The following GAN variants were observed in gnomAD, a reference collection of about 807,000 sequenced individuals.
The protein encoded by GAN is gigaxonin, also known as epididymis secretory sperm binding protein.
GAN carries 48 observed loss-of-function variants against 71.3 expected under a neutral mutation model. That is an observed-to-expected ratio of 0.67 (90% CI 0.53 to 0.86). The LOEUF is 0.86. GAN is among the 40% of genes least tolerant of loss of function. The pLI, the probability that GAN is intolerant of heterozygous loss-of-function variation, is 0.00. For missense variants in GAN, 928 were observed against 770.1 expected (o/e 1.21, Z -2.43); for synonymous variants, 386 against 276.8 (o/e 1.39, Z -3.92).
At position 81,354,527 on chromosome 16, in the gene GAN, T is replaced by A. The variant is rs771476213; in HGVS notation, c.405T>A (p.Ile135=). ...GCTGCATTGCTGCTGAGAACTGTAT[T>A]GGTATCCGTGACTTTGCACTACATT... ...LEGCIAAENC[I]GIRDFALHYC... Residue 135 remains isoleucine (I), a synonymous_variant, in exon 3 of 11, where the codon ATT becomes ATA. Transcript: ENST00000648994. The A allele has an allele frequency of 4.3e-6, 7 of 1,613,932 alleles. No individual in the cohort carries two copies. The highest frequency in any genetic ancestry group is 5.9e-6 in the Non-Finnish European group (7 of 1,179,912).
At chr16:81,372,110 C>G (rs2873408) in intron 9 of GAN, 98,540 of 151,968 alleles carry the variant, frequency 0.65, 32,127 homozygotes, top group East Asian at 0.75. Flanking sequence ...ACTTCCCTGT[C>G]TCTGAAGTTC....
chr16:81,348,610 G>C (rs1261378899), intron 1 of GAN, among the ~76,000 whole-genome samples: 4 of 152,214 alleles, frequency 2.6e-5, no homozygotes, highest in Non-Finnish European at 4.4e-5. Flanking sequence ...GTCCAGCCAT[G>C]AGCCTACAGG....
intron 1 of GAN, among the ~76,000 whole-genome samples, chr16:81,321,106 T>C (rs1364952862): frequency 5.9e-5 from 9 of 152,230 alleles, no homozygotes; most frequent in African/African-American, 1.9e-4. Flanking sequence ...TTTAAAGATA[T>C]TTGTTTATTT....
At chr16:81,364,473 C>A (rs1412562553) in intron 7 of GAN, among the ~76,000 whole-genome samples, 1 of 152,088 alleles carries the variant, frequency 6.6e-6, no homozygotes, top group South Asian at 2.1e-4. Flanking sequence ...CACTATGTTG[C>A]CCCGGCTGGT....
At chr16:81,341,883 A>G (rs1909954848) in intron 1 of GAN, among the ~76,000 whole-genome samples, 1 of 152,224 alleles carries the variant, frequency 6.6e-6, no homozygotes, top group Admixed American at 6.5e-5. Flanking sequence ...TGTGTTCAGG[A>G]GACCCATCTC....
intron 9 of GAN, among the ~76,000 whole-genome samples, chr16:81,371,420 G>C (rs572117322): frequency 6.6e-6 from 1 of 152,188 alleles, no homozygotes; most frequent in African/African-American, 2.4e-5. Context: ...TGTTTTTGAA[G>C]CTTTGAATTT....
At position 81,349,298 on chromosome 16, in the gene GAN, A is replaced by G. The variant is rs1458610572; in HGVS notation, c.168-2285A>G. On this transcript the variant is annotated intron_variant, in intron 1 of 10. Coordinates refer to ENST00000648994, the MANE Select transcript of GAN (RefSeq NM_022041.4). ...TCTCGGCTTTGCTTACTGCTAAATT[A>G]GGATTAAGTTTCCTCAGATACTCCA... Among the ~76,000 whole-genome samples, 5 of 151,996 alleles carry G rather than the reference A, an allele frequency of 3.3e-5. No homozygotes were observed. The South Asian group carries it at 1.0e-3, about 32-fold the overall frequency.
At chr16:81,315,735 C>T (rs1173314360) in intron 1 of GAN, among the ~76,000 whole-genome samples, 2 of 152,240 alleles carry the variant, frequency 1.3e-5, no homozygotes, top group African/African-American at 2.4e-5. Context: ...GCCAGTCGCT[C>T]GCCTCTGAAT....
At position 81,348,391 on chromosome 16, in the gene GAN, C is replaced by T. The variant is rs116911212; in HGVS notation, c.168-3192C>T. Among the ~76,000 whole-genome samples the T allele has an allele frequency of 1.1e-3, 165 of 152,222 alleles. 3 individuals carry two copies. In the East Asian group the frequency reaches 0.029, roughly 27 times the overall value. On this transcript the variant is annotated intron_variant, in intron 1 of 10. Coordinates refer to ENST00000648994, the MANE Select transcript of GAN (RefSeq NM_022041.4). Reference sequence around the variant, plus strand: ...TTCATTTTAGCACAATCTTTACTTCCTTTAAGTTACCTTTTTTCTTATCAG... The same window carrying T: ...TTCATTTTAGCACAATCTTTACTTCTTTTAAGTTACCTTTTTTCTTATCAG...
At position 81,384,758 on chromosome 16, in the gene GAN, G is replaced by A. The variant is rs1904351442; in HGVS notation, c.*7162G>A. 1 of 152,132 alleles carries A rather than the reference G, an allele frequency of 6.6e-6. No individual in the cohort carries two copies. Among genetic ancestry groups the A allele is most frequent in the South Asian group, 2.1e-4 (1 of 4,820 alleles). 9.4% of individuals were successfully genotyped at this position (152,132 alleles called of 1,614,324 possible). On this transcript the variant is annotated 3_prime_UTR_variant, in exon 11 of 11. Transcript: ENST00000648994. ...ATGATGTGATTTGTTCCATGTATCTGTGGAACATCCCTCACCTTCCTCCGG... is the reference window on the plus strand; with the variant it reads ...ATGATGTGATTTGTTCCATGTATCTATGGAACATCCCTCACCTTCCTCCGG...
At chr16:81,344,554 A>G (rs776834309) in intron 1 of GAN, among the ~76,000 whole-genome samples, 2 of 152,204 alleles carry the variant, frequency 1.3e-5, no homozygotes, top group Non-Finnish European at 2.9e-5. Flanking sequence ...AAAACTGGCT[A>G]GCCGTATGCA....
In GAN at chr16:81,381,779, G is replaced by T. The variant is rs1353720470; in HGVS notation, c.*4183G>T. 6.6e-6 allele frequency: 1 copy of T among 152,200 alleles called. No individual in the cohort carries two copies. The highest frequency in any genetic ancestry group is 1.9e-4 in the East Asian group (1 of 5,194). The allele number at this position is 152,200 out of a possible 1,614,324, so 9.4% of individuals were successfully genotyped here. On this transcript the variant is annotated 3_prime_UTR_variant, in exon 11 of 11. Transcript: ENST00000648994. ...ATAAGATTCTTGTGATCAAAGTAAT[G>T]TTCTTCTGTTGAAAAGGGCACTCCA...
chr16:81,358,039 T>G, intron 5 of GAN, 108 bp downstream of exon 5: 1 of 968,796 alleles, frequency 1.0e-6, no homozygotes, highest in Non-Finnish European at 1.6e-6. Flanking sequence ...TTATTATCTC[T>G]ACATGACATT....
chr16:81,319,801 T>C lies in GAN; in HGVS notation c.167+4521T>C, dbSNP rs144365388. On this transcript the variant is annotated intron_variant, in intron 1 of 10. Transcript: ENST00000648994. ...CAGCCTAGGTCATCATGAGCGACTTTTCTGGGCTCTAGCTTCCTTATCTGT... is the reference window on the plus strand; with the variant it reads ...CAGCCTAGGTCATCATGAGCGACTTCTCTGGGCTCTAGCTTCCTTATCTGT... Among the ~76,000 whole-genome samples, 182 of 152,274 alleles carry C rather than the reference T, an allele frequency of 1.2e-3. 1 individual carries two copies. The highest frequency in any genetic ancestry group is 4.2e-3 in the African/African-American group (174 of 41,548).
intron 1 of GAN, among the ~76,000 whole-genome samples, chr16:81,344,743 C>T (rs1343892999): frequency 1.3e-5 from 2 of 151,590 alleles, no homozygotes; most frequent in African/African-American, 4.8e-5. Context: ...GCAAAAAAGC[C>T]AAAAACGACA....
At chr16:81,353,791 GAAA>G (rs112576202) in intron 2 of GAN, among the ~76,000 whole-genome samples, 1 of 146,824 alleles carries the variant, frequency 6.8e-6, no homozygotes. Context: ...TTCATAATGA[GAAA>G]AAAAAAACAC....
At position 81,385,923 on chromosome 16, in the gene GAN, G is replaced by A. The variant is rs1298416040; in HGVS notation, c.*8327G>A. On this transcript the variant is annotated 3_prime_UTR_variant, in exon 11 of 11. Coordinates refer to ENST00000648994, the MANE Select transcript of GAN (RefSeq NM_022041.4). ...CACCAGTATGCCCAGCTAATTTTTTGTATTTTTAGAACAGGTGTGGTTTCA... is the reference window on the plus strand; with the variant it reads ...CACCAGTATGCCCAGCTAATTTTTTATATTTTTAGAACAGGTGTGGTTTCA... 1 of 151,968 alleles carries A rather than the reference G, an allele frequency of 6.6e-6. No individual in the cohort carries two copies. Among genetic ancestry groups the A allele is most frequent in the East Asian group, 1.9e-4 (1 of 5,192 alleles). The allele number at this position is 151,968 out of a possible 1,614,324, so 9.4% of individuals were successfully genotyped here.
chr16:81,339,921 C>T (rs1475236404), intron 1 of GAN, among the ~76,000 whole-genome samples: 3 of 152,150 alleles, frequency 2.0e-5, no homozygotes. Flanking sequence ...ACTTAACCTT[C>T]AGGTGTTTGG....
At chr16:81,320,322 T>C (rs151066425) in intron 1 of GAN, among the ~76,000 whole-genome samples, 71 of 152,346 alleles carry the variant, frequency 4.7e-4, no homozygotes, top group Middle Eastern at 3.4e-3. Flanking sequence ...TACTATGTGG[T>C]GTGTGCAGAG....
Sources: allele counts gnomAD v4.1 joint callset (sites outside exome capture counted in the v4.1 genomes callset), GRCh38; gene constraint gnomAD v4.1.1; transcripts MANE v1.5; gene names NCBI Gene and HGNC (gene_info 2026-07-23, HGNC 2026-07-21).